Variants in ABCA9 observed in about 807,000 individuals in gnomAD.
ABCA9 encodes the protein ATP-binding cassette sub-family A member 9.
Under a neutral mutation model 205.3 loss-of-function variants are expected in ABCA9, and 183 were observed. The observed-to-expected ratio is 0.89, with a 90% CI of 0.79 to 1.01. ABCA9 has a LOEUF of 1.01. Ranked by LOEUF, ABCA9 falls within the 50% of genes least tolerant of loss-of-function variation. The probability of loss-of-function intolerance (pLI) is 0.00; values close to 1 mark genes in which losing one functional copy is unlikely to be tolerated. For missense variants in ABCA9, 1,805 were observed against 1,912.4 expected, an observed-to-expected ratio of 0.94 and a Z score of 1.05; for synonymous variants, 651 against 683.3, an observed-to-expected ratio of 0.95 and a Z score of 0.74.
chr17:69,049,104 C>A (rs1433179097), intron 3 of ABCA9, among the ~76,000 whole-genome samples, 179 bp downstream of exon 3: 5 of 152,070 alleles, frequency 3.3e-5, no homozygotes, highest in Non-Finnish European at 7.4e-5. Flanking sequence ...ATGGAATTTC[C>A]TAAATGGGAC....
At chr17:69,070,304 G>A in the ABCA9 span, among the ~76,000 whole-genome samples, 34 of 152,144 alleles carry the variant, frequency 2.2e-4, no homozygotes, top group Admixed American at 2.0e-4. Flanking sequence ...TCCCGGGCAA[G>A]ATGGCCAAAA....
rs772765828 is a variant in ABCA9, at chr17:69,020,584, T to C, written c.2404A>G (p.Ile802Val). 6.2e-7 allele frequency: 1 copy of C among 1,612,140 alleles called. No homozygotes were observed. The stretch of plus-strand genomic sequence containing the variant: ...GTTTGTAATTGTCCCCAAATTCCAA[T>C]ATCTAAAACATAAGATCAATATTTT... ...EGKSTIDESD[I>V]GIWGQLQTDG... The change falls in exon 19 of 39, where the codon ATT (isoleucine) becomes GTT (valine). Residue 802 changes from isoleucine to valine, a missense_variant and splice_region_variant. Physicochemically the swap from Ile to Val is conservative, Grantham distance 29. Coordinates refer to ENST00000340001, the MANE Select transcript of ABCA9 (RefSeq NM_080283.4).
intron 25 of ABCA9, among the ~76,000 whole-genome samples, chr17:68,996,294 T>G (rs374756316): frequency 7.4e-4 from 113 of 152,344 alleles, no homozygotes; most frequent in Non-Finnish European, 1.4e-3. Flanking sequence ...ATAAAGTGAT[T>G]ATTTATTGTA....
intron 1 of ABCA9, among the ~76,000 whole-genome samples, chr17:69,053,509 C>G (rs1252719472): frequency 6.6e-6 from 1 of 152,004 alleles, no homozygotes; most frequent in Admixed American, 6.6e-5. Context: ...GATAAAACTT[C>G]TAAGAGAGAA....
chr17:69,037,255 A>G (rs1469091932), intron 6 of ABCA9, among the ~76,000 whole-genome samples: 1 of 152,184 alleles, frequency 6.6e-6, no homozygotes, highest in Non-Finnish European at 1.5e-5. Flanking sequence ...AAATCAACAG[A>G]ATATACTTTC....
At position 68,984,910 on chromosome 17, in the gene ABCA9, C is replaced by G; in HGVS notation, c.4354G>C (p.Asp1452His). 1 of 1,614,174 alleles carries G rather than the reference C, an allele frequency of 6.2e-7. No individual in the cohort carries two copies. Among genetic ancestry groups the G allele is most frequent in the East Asian group, 2.2e-5 (1 of 44,876 alleles). The change falls in exon 34 of 39, where the codon GAC (aspartate) becomes CAC (histidine). Residue 1452 changes from aspartate to histidine, a missense_variant. Coordinates refer to ENST00000340001, the MANE Select transcript of ABCA9 (RefSeq NM_080283.4). ...VLLDEPSTGM[D>H]PEGQQQMWQV... ...CACATTTGCTGCTGCCCCTCGGGGT[C>G]CATCCCGGTCGACGGCTCATCCAGA...
At chr17:68,987,122 C>A (rs892623493) in intron 31 of ABCA9, among the ~76,000 whole-genome samples, 4 of 152,184 alleles carry the variant, frequency 2.6e-5, no homozygotes, top group Non-Finnish European at 4.4e-5. Context: ...CCTTACAGAA[C>A]CCCTGTATGT....
chr17:68,984,567 T>C (rs183691839), intron 34 of ABCA9, among the ~76,000 whole-genome samples: 71 of 152,322 alleles, frequency 4.7e-4, no homozygotes, highest in African/African-American at 1.7e-3. Flanking sequence ...AATGTTTCTT[T>C]TTTTCCTCCA....
chr17:69,007,941 A>C, intron 24 of ABCA9, 69 bp from the exon 25 acceptor site: 1 of 1,427,902 alleles, frequency 7.0e-7, no homozygotes, highest in Non-Finnish European at 9.7e-7. Context: ...TTTACTCTTC[A>C]ATTTTCCAAA....
the ABCA9 span, among the ~76,000 whole-genome samples, chr17:69,074,550 T>G: frequency 6.6e-6 from 1 of 152,240 alleles, no homozygotes; most frequent in African/African-American, 2.4e-5. Context: ...CTTCTAGCTG[T>G]GTCCATGTTG....
rs909420562 is a variant in ABCA9 at position 69,030,612 on chromosome 17, G to A, written c.1446-1385C>T. On this transcript the variant is annotated intron_variant, in intron 10 of 38. Transcript: ENST00000340001. ...ATGCAATGACTTTCAAGTTGAGCAC[G>A]TATGGATTCAAATACTGTTTCTCTT... is the stretch of plus-strand genomic sequence containing the variant. Among the ~76,000 whole-genome samples the A allele has an allele frequency of 3.9e-5, 6 of 152,196 alleles. No individual in the cohort carries two copies. In the East Asian group the frequency reaches 5.8e-4, roughly 15 times the overall value.
At position 69,027,685 on chromosome 17, in the gene ABCA9, C is replaced by T; in HGVS notation, c.1746G>A (p.Leu582=). 1 of 1,613,534 alleles carries T rather than the reference C, an allele frequency of 6.2e-7. No homozygotes were observed. ...GFLTVKENLR[L]FAKIKGILPH... ...GCAAAATCCCTTTTATTTTAGCAAA[C>T]AGCCTGAGGTTTTCTTTCACAGTGA... The change falls in exon 13 of 39, where the codon CTG becomes CTA. Residue 582 remains leucine (L), a synonymous_variant. Transcript: ENST00000340001.
chr17:69,065,867 TAGAG>T (rs933180613), upstream of ABCA9, among the ~76,000 whole-genome samples: 12 of 152,146 alleles, frequency 7.9e-5, no homozygotes, highest in East Asian at 5.8e-4. Context: ...GTTCTTGTGA[TAGAG>T]AGTGAGTTCT....
Position 69,035,356 on chromosome 17 carries a change from C to T in ABCA9, c.1018G>A (p.Val340Ile), listed in dbSNP as rs757097783. The change falls in exon 8 of 39, where the codon GTC becomes ATC. Residue 340 changes from valine (V) to isoleucine (I), a missense_variant. Transcript: ENST00000340001. Reference protein sequence around the residue: ...LTGLVVFLLIVFWGILGFPAL... With the variant: ...LTGLVVFLLIIFWGILGFPAL... ...GGGAATCCCAGGATCCCCCAAAAGA[C>T]AATAAGGAGAAACACAACCAAGCCC... 1.9e-6 allele frequency: 3 copies of T among 1,608,768 alleles called. No individual in the cohort carries two copies. The highest frequency in any genetic ancestry group is 2.5e-6 in the Non-Finnish European group (3 of 1,177,260).
At chr17:69,050,260 G>A (rs2071857231) in intron 2 of ABCA9, among the ~76,000 whole-genome samples, 1 of 151,548 alleles carries the variant, frequency 6.6e-6, no homozygotes, top group Non-Finnish European at 1.5e-5. Flanking sequence ...TTTTCCCTAT[G>A]CAGGAATTGT....
At chr17:68,979,111 G>T in intron 37 of ABCA9, among the ~76,000 whole-genome samples, 1 of 152,140 alleles carries the variant, frequency 6.6e-6, no homozygotes, top group Non-Finnish European at 1.5e-5. Context: ...AAATCAATGT[G>T]CAAAAGTCAC....
Position 69,049,339 on chromosome 17 carries a change from T to G in ABCA9, c.248A>C (p.Glu83Ala). 1.9e-6 allele frequency: 3 copies of G among 1,613,362 alleles called. No homozygotes were observed. The highest frequency in any genetic ancestry group is 1.3e-5 in the African/African-American group (1 of 74,990). Residue 83 changes from glutamate to alanine, a missense_variant, in exon 3 of 39, where the codon GAA (glutamate) becomes GCA (alanine). Transcript: ENST00000340001. ...DTNYVIAFAP[E>A]SKTTQEIMNK... ...CATTATCTCTTGGGTAGTTTTGGAT[T>G]CAGGTGCAAATGCAATAACATAATT...
intron 1 of ABCA9, among the ~76,000 whole-genome samples, chr17:69,060,429 G>A (rs1402385362): frequency 6.6e-6 from 1 of 152,104 alleles, no homozygotes; most frequent in African/African-American, 2.4e-5. Context: ...AAGTTTTCTT[G>A]ATGAAAATAT....
intron 37 of ABCA9, among the ~76,000 whole-genome samples, chr17:68,981,788 T>A (rs1460832766): frequency 7.5e-6 from 1 of 132,600 alleles, no homozygotes; most frequent in Admixed American, 9.1e-5. Flanking sequence ...ATTGTGCCAC[T>A]GCACCACTCC....
Sources: gnomAD v4.1 joint callset for allele counts (sites outside exome capture counted in the v4.1 genomes callset) on GRCh38, gnomAD v4.1.1 for gene constraint, MANE v1.5 for transcripts, NCBI Gene and HGNC (gene_info 2026-07-23, HGNC 2026-07-21) for gene names.